THSD7B: variants seen among roughly 807,000 people sequenced by gnomAD.
The protein encoded by THSD7B is thrombospondin type-1 domain-containing protein 7B.
A neutral mutation model predicts 213.6 loss-of-function variants in THSD7B; 138 were observed. The observed-to-expected ratio is 0.65, with a 90% CI of 0.56 to 0.74. The LOEUF is 0.74. Among genes scored for constraint, THSD7B ranks in the 30% least tolerant of loss-of-function variants. The pLI, the probability that THSD7B is intolerant of heterozygous loss-of-function variation, is 0.00. For missense variants in THSD7B, 1,931 were observed against 1,991.5 expected (o/e 0.97, Z 0.58); for synonymous variants, 742 against 687.0 (o/e 1.08, Z -1.25).
At chr2:137,408,313 C>G (rs1686574855) in intron 13 of THSD7B, among the ~76,000 whole-genome samples, 1 of 151,638 alleles carries the variant, frequency 6.6e-6, no homozygotes, top group African/African-American at 2.4e-5. Flanking sequence ...TCTCTTTTTT[C>G]TCCTTCCCCC....
At chr2:137,525,130 C>G (rs942579459) in intron 15 of THSD7B, among the ~76,000 whole-genome samples, 1 of 152,110 alleles carries the variant, frequency 6.6e-6, no homozygotes, top group Non-Finnish European at 1.5e-5. Context: ...CTAAGAGGTT[C>G]AAAGCACCAA....
intron 27 of THSD7B, among the ~76,000 whole-genome samples, chr2:137,673,678 G>T (rs1446925885): frequency 1.3e-5 from 2 of 152,198 alleles, no homozygotes; most frequent in African/African-American, 4.8e-5. Context: ...GCTGAGTGCA[G>T]TCTTGCCCCT....
At chr2:137,139,187 T>C (rs567048860) in intron 5 of THSD7B, among the ~76,000 whole-genome samples, 3 of 152,290 alleles carry the variant, frequency 2.0e-5, no homozygotes, top group Non-Finnish European at 2.9e-5. Context: ...ACTGCTGTGT[T>C]AATATGCAGC....
At position 137,297,220 on chromosome 2, in the gene THSD7B, G is replaced by A. The variant is rs551155953; in HGVS notation, c.2500+21194G>A. ...AAGTGCTTGAGCTGAAGAGTTCGAGGCTTCACTGAGATATGATCGCACCAC... is the reference window on the plus strand; with the variant it reads ...AAGTGCTTGAGCTGAAGAGTTCGAGACTTCACTGAGATATGATCGCACCAC... On this transcript the variant is annotated intron_variant, in intron 12 of 27. Transcript: ENST00000409968. Among the ~76,000 whole-genome samples, 12 of 148,724 alleles carry A rather than the reference G, an allele frequency of 8.1e-5. No individual in the cohort carries two copies. In the South Asian group the frequency reaches 2.7e-3, roughly 34 times the overall value.
At chr2:137,468,920 A>G (rs549050007) in intron 15 of THSD7B, among the ~76,000 whole-genome samples, 78 of 152,256 alleles carry the variant, frequency 5.1e-4, no homozygotes, top group African/African-American at 1.8e-3. Context: ...GGTGTGGTCA[A>G]AAGAGATTGG....
chr2:137,315,524 G>T (rs1278730517), intron 12 of THSD7B, among the ~76,000 whole-genome samples: 1 of 152,008 alleles, frequency 6.6e-6, no homozygotes, highest in Non-Finnish European at 1.5e-5. Flanking sequence ...AGCCATCTTG[G>T]CTCCTCCCCC....
chr2:136,793,447 A>G (rs933972013), intron 1 of THSD7B, among the ~76,000 whole-genome samples: 2 of 152,142 alleles, frequency 1.3e-5, no homozygotes, highest in African/African-American at 4.8e-5. Context: ...TTTATCATAT[A>G]CGTAGTTCAT....
Position 137,676,634 on chromosome 2 carries a change from C to T in THSD7B, c.*29C>T. On this transcript the variant is annotated 3_prime_UTR_variant, in exon 28 of 28. Transcript: ENST00000409968. The stretch of plus-strand genomic sequence containing the variant: ...GAAAAAGAAATCCAAATGTAGACAT[C>T]AACTGCCTTAACCGCTTTCTCTTTT... 6.5e-7 allele frequency: 1 copy of T among 1,528,996 alleles called. No individual in the cohort carries two copies. The highest frequency in any genetic ancestry group is 8.8e-7 in the Non-Finnish European group (1 of 1,140,828). The allele number at this position is 1,528,996 out of a possible 1,614,324, so 94.7% of individuals were successfully genotyped here.
At chr2:136,919,894 G>A (rs1331943836) in intron 2 of THSD7B, among the ~76,000 whole-genome samples, 1 of 152,234 alleles carries the variant, frequency 6.6e-6, no homozygotes, top group Admixed American at 6.5e-5. Flanking sequence ...GGCTCTGTGA[G>A]GCTGCAGGTG....
chr2:137,668,446 CA>C (rs10668254), intron 27 of THSD7B, among the ~76,000 whole-genome samples: 15,378 of 141,784 alleles, frequency 0.11, 951 homozygotes, highest in Middle Eastern at 0.24. Context: ...TGGTCATTTG[CA>C]AAAAAAAAAA....
chr2:137,106,195 G>T (rs1460375887), intron 4 of THSD7B, among the ~76,000 whole-genome samples: 2 of 152,164 alleles, frequency 1.3e-5, no homozygotes, highest in African/African-American at 4.8e-5. Flanking sequence ...TACCAAAACA[G>T]ATATATAGAC....
chr2:137,581,326 G>A lies in THSD7B; in HGVS notation c.3423+8770G>A, dbSNP rs892883522. ...TTATAGGCCGGGTGCAGTGGTTCAC[G>A]CCTGTAATCCCAGCACTTTGGGAGG... On this transcript the variant is annotated intron_variant, in intron 17 of 27. Transcript: ENST00000409968. Among the ~76,000 whole-genome samples, 12 of 152,220 alleles carry A rather than the reference G, an allele frequency of 7.9e-5. 1 individual carries two copies. In the South Asian group the frequency reaches 1.7e-3, roughly 21 times the overall value.
intron 15 of THSD7B, among the ~76,000 whole-genome samples, chr2:137,500,576 A>G (rs1017337572): frequency 2.0e-5 from 3 of 152,238 alleles, no homozygotes; most frequent in Non-Finnish European, 4.4e-5. Flanking sequence ...ACTTACCACC[A>G]GTGCAACCCT....
intron 15 of THSD7B, among the ~76,000 whole-genome samples, chr2:137,551,180 T>A (rs1201927418): frequency 6.6e-6 from 1 of 152,074 alleles, no homozygotes; most frequent in Non-Finnish European, 1.5e-5. Context: ...GTTATATGCA[T>A]ATATAAGCAG....
At chr2:137,292,044 C>T (rs979356595) in intron 12 of THSD7B, among the ~76,000 whole-genome samples, 4 of 152,090 alleles carry the variant, frequency 2.6e-5, no homozygotes, top group East Asian at 1.9e-4. Flanking sequence ...ATAGTTCTGG[C>T]ATAGCAATAG....
chr2:137,242,407 A>G (rs1336157386), intron 9 of THSD7B, 50 bp from the exon 10 acceptor site: 3 of 1,438,338 alleles, frequency 2.1e-6, no homozygotes, highest in Non-Finnish European at 2.9e-6. Flanking sequence ...TCTGCGTTCA[A>G]CGGCTTAGTC....
rs143764636 is a variant in THSD7B, at chr2:137,014,268, A to C, written c.140-42152A>C. ...GCTTCAGGCCCCTGGCTCAGCATTC[A>C]CACGTCTCTGCAACTACTCACATGG... On this transcript the variant is annotated intron_variant, in intron 2 of 27. Coordinates refer to ENST00000409968, the MANE Select transcript of THSD7B (RefSeq NM_001316349.2). 4.6e-3 allele frequency among the ~76,000 whole-genome samples: 694 copies of C among 152,276 alleles called. 6 individuals are homozygous for C. Among genetic ancestry groups the C allele is most frequent in the African/African-American group, 0.015 (635 of 41,570 alleles).
intron 20 of THSD7B, among the ~76,000 whole-genome samples, chr2:137,630,245 C>T (rs1025254626): frequency 6.6e-6 from 1 of 152,190 alleles, no homozygotes; most frequent in Non-Finnish European, 1.5e-5. Context: ...CTGCCTGCCT[C>T]GGCCCCCCAA....
intron 3 of THSD7B, among the ~76,000 whole-genome samples, chr2:137,068,334 C>G (rs1450580734): frequency 6.6e-6 from 1 of 152,066 alleles, no homozygotes; most frequent in African/African-American, 2.4e-5. Flanking sequence ...CTATAACTCT[C>G]ATTTAGTCTT....
Sources: allele counts gnomAD v4.1 joint callset (sites outside exome capture counted in the v4.1 genomes callset), GRCh38; gene constraint gnomAD v4.1.1; transcripts MANE v1.5; gene names NCBI Gene and HGNC (gene_info 2026-07-23, HGNC 2026-07-21).